The following EPHA3 variants were observed in gnomAD, a reference collection of about 807,000 sequenced individuals.
EPHA3 encodes ephrin type-A receptor 3.
A neutral mutation model predicts 107.1 loss-of-function variants in EPHA3; 42 were observed. That is an observed-to-expected ratio of 0.39 (90% CI 0.31 to 0.51). The LOEUF (loss-of-function observed/expected upper bound fraction) is 0.51, where lower values mean the gene tolerates loss of function less well. Ranked by LOEUF, EPHA3 falls within the 20% of genes least tolerant of loss-of-function variation. The probability of loss-of-function intolerance (pLI) is 0.78; values close to 1 mark genes in which losing one functional copy is unlikely to be tolerated. For missense variants in EPHA3, 1,183 were observed against 1,211.2 expected (o/e 0.98, Z 0.35); for synonymous variants, 461 against 424.8 (o/e 1.09, Z -1.05).
At chr3:89,328,830 G>A (rs1234429184) in intron 3 of EPHA3, among the ~76,000 whole-genome samples, 2 of 152,132 alleles carry the variant, frequency 1.3e-5, no homozygotes, top group African/African-American at 2.4e-5. Flanking sequence ...GCATGGAGTA[G>A]GTTTCAGTAA....
At chr3:89,385,939 T>C (rs539146398) in intron 5 of EPHA3, among the ~76,000 whole-genome samples, 1 of 152,278 alleles carries the variant, frequency 6.6e-6, no homozygotes, top group Admixed American at 6.5e-5. Flanking sequence ...ATGAGGAACT[T>C]GTTGGCAGCC....
intron 15 of EPHA3, among the ~76,000 whole-genome samples, chr3:89,471,008 T>C (rs1710390269): frequency 6.6e-6 from 1 of 152,174 alleles, no homozygotes; most frequent in Non-Finnish European, 1.5e-5. Flanking sequence ...AAAAACTTAT[T>C]TCTGTCATTG....
Position 89,122,275 on chromosome 3 carries a change from G to A in EPHA3, c.89-4934G>A, listed in dbSNP as rs1294918689. On this transcript the variant is annotated intron_variant, in intron 1 of 16. Coordinates refer to ENST00000336596, the MANE Select transcript of EPHA3 (RefSeq NM_005233.6). ...TGTCATTACTCTTTAGTGAAAACAA[G>A]ATGTAATCAAAGGATGGGCTTATTT... Among the ~76,000 whole-genome samples the A allele has an allele frequency of 3.9e-5, 6 of 152,192 alleles. No individual in the cohort carries two copies. The East Asian group carries it at 1.2e-3, about 29-fold the overall frequency.
intron 2 of EPHA3, among the ~76,000 whole-genome samples, chr3:89,138,764 T>G (rs1402900919): frequency 6.6e-6 from 1 of 151,950 alleles, no homozygotes; most frequent in East Asian, 1.9e-4. Context: ...AGTAGAACTT[T>G]TATTATTTTG....
At chr3:89,117,285 T>C (rs1463745954) in intron 1 of EPHA3, among the ~76,000 whole-genome samples, 6 of 152,150 alleles carry the variant, frequency 3.9e-5, no homozygotes, top group Admixed American at 2.0e-4. Context: ...TTTTTGCCTA[T>C]GATAAAGTTG....
intron 10 of EPHA3, among the ~76,000 whole-genome samples, chr3:89,418,283 G>A (rs1300751164): frequency 6.6e-6 from 1 of 151,322 alleles, no homozygotes; most frequent in South Asian, 2.1e-4. Context: ...TATGTTAGAA[G>A]TTCTTCTGTG....
At chr3:89,267,094 G>A (rs140165888) in intron 3 of EPHA3, among the ~76,000 whole-genome samples, 1 of 152,070 alleles carries the variant, frequency 6.6e-6, no homozygotes, top group Non-Finnish European at 1.5e-5. Flanking sequence ...CAAACTGAAT[G>A]AATAGAAATC....
intron 7 of EPHA3, among the ~76,000 whole-genome samples, chr3:89,404,883 A>G (rs115180427): frequency 6.6e-6 from 1 of 152,312 alleles, no homozygotes; most frequent in African/African-American, 2.4e-5. Flanking sequence ...ATAAATTATT[A>G]CAGTATGCAA....
At position 89,210,005 on chromosome 3, in the gene EPHA3, A is replaced by G. The variant is rs2107181104; in HGVS notation, c.299A>G (p.Lys100Arg). 2 of 1,614,002 alleles carry G rather than the reference A, an allele frequency of 1.2e-6. 1 individual carries two copies. Among genetic ancestry groups the G allele is most frequent in the South Asian group, 2.2e-5 (2 of 91,086 alleles). Residue 100 changes from lysine to arginine, a missense_variant, in exon 3 of 17, where the codon AAG becomes AGG. By Grantham distance (26) the Lys-to-Arg change is conservative. Coordinates refer to ENST00000336596, the MANE Select transcript of EPHA3 (RefSeq NM_005233.6). The stretch of plus-strand genomic sequence containing the variant: ...GCTCAGAAGATTTATGTGGAGCTCA[A>G]GTTCACTCTACGAGACTGCAATAGC... Reference protein sequence around the residue: ...NSAQKIYVELKFTLRDCNSIP... With the variant: ...NSAQKIYVELRFTLRDCNSIP...
At chr3:89,453,168 C>G (rs1242192381) in intron 15 of EPHA3, among the ~76,000 whole-genome samples, 1 of 151,828 alleles carries the variant, frequency 6.6e-6, no homozygotes, top group Non-Finnish European at 1.5e-5. Context: ...CATTCTGTAC[C>G]CTGAAGGCAT....
intron 2 of EPHA3, among the ~76,000 whole-genome samples, chr3:89,159,916 G>GCTTC (rs879738474): frequency 3.3e-5 from 5 of 151,626 alleles, no homozygotes; most frequent in East Asian, 1.9e-4. Context: ...TTCCTTCTTT[G>GCTTC]CTTCCTTCCT....
At chr3:89,185,985 T>C (rs1705555872) in intron 2 of EPHA3, among the ~76,000 whole-genome samples, 1 of 151,972 alleles carries the variant, frequency 6.6e-6, no homozygotes, top group Admixed American at 6.6e-5. Context: ...TTTTTTTTCT[T>C]TCTTCCTTCT....
chr3:89,345,688 C>T (rs1302579627), intron 5 of EPHA3, among the ~76,000 whole-genome samples: 3 of 143,296 alleles, frequency 2.1e-5, no homozygotes, highest in Non-Finnish European at 3.1e-5. Context: ...CATATGTATA[C>T]ATGTGCCGTG....
chr3:89,416,966 T>C (rs1229777421), intron 10 of EPHA3, among the ~76,000 whole-genome samples: 1 of 151,486 alleles, frequency 6.6e-6, no homozygotes, highest in African/African-American at 2.4e-5. Flanking sequence ...TAACATAGAA[T>C]TTGGCATTTT....
intron 1 of EPHA3, among the ~76,000 whole-genome samples, chr3:89,119,222 T>C (rs1203733960): frequency 3.3e-5 from 5 of 152,130 alleles, no homozygotes; most frequent in Non-Finnish European, 5.9e-5. Context: ...TGTGAGTGCA[T>C]GTGAATATAT....
At chr3:89,378,175 T>C (rs1253914183) in intron 5 of EPHA3, among the ~76,000 whole-genome samples, 1 of 152,038 alleles carries the variant, frequency 6.6e-6, no homozygotes, top group East Asian at 1.9e-4. Context: ...GATGGGTTGA[T>C]GGGTTCAGCA....
chr3:89,191,472 A>T (rs571722607), intron 2 of EPHA3, among the ~76,000 whole-genome samples: 1 of 151,970 alleles, frequency 6.6e-6, no homozygotes, highest in South Asian at 2.1e-4. Flanking sequence ...ACGCCCGGCT[A>T]ATTTTTTGTA....
intron 5 of EPHA3, among the ~76,000 whole-genome samples, chr3:89,379,981 C>T (rs1185835466): frequency 6.6e-6 from 1 of 152,150 alleles, no homozygotes; most frequent in East Asian, 1.9e-4. Flanking sequence ...TCTCTTTCTG[C>T]TTCAATTAGT....
intron 13 of EPHA3, among the ~76,000 whole-genome samples, chr3:89,445,862 G>A (rs888919952): frequency 6.6e-6 from 1 of 152,124 alleles, no homozygotes; most frequent in Non-Finnish European, 1.5e-5. Flanking sequence ...GTACCACAGT[G>A]AGCTAAGAGC....
Sources: allele counts gnomAD v4.1 joint callset (sites outside exome capture counted in the v4.1 genomes callset), GRCh38; gene constraint gnomAD v4.1.1; transcripts MANE v1.5; gene names NCBI Gene and HGNC (gene_info 2026-07-23, HGNC 2026-07-21).